Variants in CTTNBP2 observed in about 807,000 individuals in gnomAD.
The protein encoded by CTTNBP2 is cortactin-binding protein 2.
A neutral mutation model predicts 156.9 loss-of-function variants in CTTNBP2; 108 were observed. The observed-to-expected ratio is 0.69, with a 90% confidence interval of 0.59 to 0.81. The LOEUF is 0.81. CTTNBP2 is among the 30% of genes least tolerant of loss of function. CTTNBP2 has a pLI of 0.00. For synonymous variants in CTTNBP2, 767 were observed against 751.8 expected (o/e 1.02, Z -0.33); for missense variants, 1,924 against 2,035.4 (o/e 0.95, Z 1.05).
intron 19 of CTTNBP2, 150 bp downstream of exon 19, chr7:117,724,397 T>C: frequency 3.0e-6 from 2 of 662,828 alleles, no homozygotes; most frequent in Non-Finnish European, 4.9e-6. Context: ...GTACCTACTA[T>C]ATAGTTTATT....
At position 117,873,367 on chromosome 7, in the gene CTTNBP2, C is replaced by G. The variant is rs1462646120; in HGVS notation, c.49G>C (p.Glu17Gln). Residue 17 changes from glutamate to glutamine, a missense_variant, in exon 1 of 23, where the codon GAG becomes CAG. Coordinates refer to ENST00000160373, the MANE Select transcript of CTTNBP2 (RefSeq NM_033427.3). ...SCEPDLSRAP[E>Q]DAAGAAAEAA... ...TCCGCCGCGGCCCCCGCCGCGTCCT[C>G]CGGGGCCCGGGACAAGTCGGGCTCG... 2.0e-6 allele frequency: 3 copies of G among 1,474,660 alleles called. No homozygotes were observed. Among genetic ancestry groups the G allele is most frequent in the Non-Finnish European group, 1.8e-6 (2 of 1,118,768 alleles). 91.3% of individuals were successfully genotyped at this position (1,474,660 alleles called of 1,614,324 possible).
chr7:117,813,557 C>T (rs1800408416), intron 2 of CTTNBP2, among the ~76,000 whole-genome samples: 1 of 152,108 alleles, frequency 6.6e-6, no homozygotes, highest in South Asian at 2.1e-4. Context: ...CATTTCAAGA[C>T]CATGGCCCAA....
chr7:117,719,702 CTG>C (rs1242785434), intron 20 of CTTNBP2, 66 bp from the exon 21 acceptor site: 3 of 1,393,182 alleles, frequency 2.2e-6, no homozygotes, highest in South Asian at 1.4e-5. Context: ...AATCTAGACA[CTG>C]TACCTTTTTT....
intron 12 of CTTNBP2, among the ~76,000 whole-genome samples, chr7:117,752,552 C>A (rs970590829): frequency 6.6e-6 from 1 of 152,104 alleles, no homozygotes; most frequent in Non-Finnish European, 1.5e-5. Flanking sequence ...AAAATAACAT[C>A]ATTTTAAAAA....
chr7:117,731,587 T>C (rs1365070731), intron 16 of CTTNBP2, among the ~76,000 whole-genome samples: 1 of 152,244 alleles, frequency 6.6e-6, no homozygotes, highest in African/African-American at 2.4e-5. Flanking sequence ...TATCACACTG[T>C]GTTTTGATGA....
chr7:117,826,703 A>G (rs1801301714), intron 2 of CTTNBP2, among the ~76,000 whole-genome samples: 1 of 151,408 alleles, frequency 6.6e-6, no homozygotes, highest in South Asian at 2.1e-4. Context: ...AAACTTATCA[A>G]AGTTTGTGAT....
chr7:117,768,299 T>C (rs1055272512), intron 8 of CTTNBP2, among the ~76,000 whole-genome samples: 4 of 152,084 alleles, frequency 2.6e-5, no homozygotes, highest in Non-Finnish European at 5.9e-5. Flanking sequence ...TGGTGGCTCA[T>C]GTCTGTAATC....
chr7:117,778,634 C>T (rs1396023600), intron 7 of CTTNBP2, among the ~76,000 whole-genome samples: 1 of 152,126 alleles, frequency 6.6e-6, no homozygotes, highest in African/African-American at 2.4e-5. Context: ...CTTAACGACC[C>T]CTCCAGGAGA....
At chr7:117,751,374 C>T (rs981888) in intron 12 of CTTNBP2, among the ~76,000 whole-genome samples, 7,331 of 152,168 alleles carry the variant, frequency 0.048, 561 homozygotes, top group African/African-American at 0.17. Flanking sequence ...TAAACAAAAA[C>T]GAAAAATAAA....
Position 117,791,908 on chromosome 7 carries a change from A to C in CTTNBP2, c.1288T>G (p.Ser430Ala), listed in dbSNP as rs993170939. The C allele has an allele frequency of 6.2e-7, 1 of 1,614,002 alleles. No individual in the cohort carries two copies. Among genetic ancestry groups the C allele is most frequent in the African/African-American group, 1.3e-5 (1 of 74,900 alleles). Reference protein sequence around the residue: ...SQAPPMHSLHSPCANTSLHPG... With the variant: ...SQAPPMHSLHAPCANTSLHPG... ...TGCAAAGAGGTGTTGGCACATGGTG[A>C]ATGTAAACTGTGCATAGGTGGAGCT... The change falls in exon 4 of 23, where the codon TCA becomes GCA. Residue 430 changes from serine (S) to alanine (A), a missense_variant. By Grantham distance (99) the Ser-to-Ala change is moderately conservative. Coordinates refer to ENST00000160373, the MANE Select transcript of CTTNBP2 (RefSeq NM_033427.3).
intron 4 of CTTNBP2, among the ~76,000 whole-genome samples, chr7:117,790,122 C>T (rs745794773): frequency 1.2e-4 from 18 of 152,156 alleles, no homozygotes; most frequent in Non-Finnish European, 2.5e-4. Context: ...CAACAATCTC[C>T]ACCAACCACT....
chr7:117,713,385 ATTCT>A (rs1562942217), intron 22 of CTTNBP2, among the ~76,000 whole-genome samples: 1 of 152,146 alleles, frequency 6.6e-6, no homozygotes, highest in East Asian at 1.9e-4. Flanking sequence ...CACACTTCAA[ATTCT>A]TTCTAAAACT....
Position 117,791,949 on chromosome 7 carries a change from G to C in CTTNBP2, c.1247C>G (p.Ala416Gly). ...AGGTGGAGCTTGCGAGTTCTGAGGA[G>C]CTATGCCTGGTGTTTGAGCGGTGGG... ...APPTAQTPGI[A>G]PQNSQAPPMH... The change falls in exon 4 of 23, where the codon GCT (alanine) becomes GGT (glycine). Residue 416 changes from alanine (A) to glycine (G), a missense_variant. Coordinates refer to ENST00000160373, the MANE Select transcript of CTTNBP2 (RefSeq NM_033427.3). 1 of 1,614,140 alleles carries C rather than the reference G, an allele frequency of 6.2e-7. No individual in the cohort carries two copies. Among genetic ancestry groups the C allele is most frequent in the Non-Finnish European group, 8.5e-7 (1 of 1,180,010 alleles).
chr7:117,851,976 TA>T, intron 2 of CTTNBP2, among the ~76,000 whole-genome samples: 1 of 152,300 alleles, frequency 6.6e-6, no homozygotes, highest in Admixed American at 6.5e-5. Flanking sequence ...AAGTTTGTCT[TA>T]AAAAGTCTAA....
At chr7:117,804,151 C>T (rs960833518) in intron 3 of CTTNBP2, among the ~76,000 whole-genome samples, 5 of 151,924 alleles carry the variant, frequency 3.3e-5, no homozygotes, top group South Asian at 4.1e-4. Flanking sequence ...TTAGTAGAGA[C>T]GGAGTTTCAC....
At chr7:117,769,747 GA>G (rs1245733402) in intron 8 of CTTNBP2, among the ~76,000 whole-genome samples, 2 of 152,142 alleles carry the variant, frequency 1.3e-5, no homozygotes, top group Admixed American at 1.3e-4. Flanking sequence ...AACTTAAATA[GA>G]AAGCAATCTG....
At chr7:117,727,794 G>C (rs946443852) in intron 17 of CTTNBP2, among the ~76,000 whole-genome samples, 1 of 152,176 alleles carries the variant, frequency 6.6e-6, no homozygotes, top group Non-Finnish European at 1.5e-5. Flanking sequence ...TACAATACTT[G>C]ATGAAACTTC....
chr7:117,800,579 T>A (rs1333057989), intron 3 of CTTNBP2, among the ~76,000 whole-genome samples: 1 of 152,100 alleles, frequency 6.6e-6, no homozygotes, highest in Non-Finnish European at 1.5e-5. Context: ...GCGGTATGAG[T>A]AAGTAATTCT....
chr7:117,858,776 CAAGTCAATAT>C (rs935558852), intron 2 of CTTNBP2, among the ~76,000 whole-genome samples: 3 of 152,126 alleles, frequency 2.0e-5, no homozygotes, highest in African/African-American at 7.2e-5. Context: ...ACTTATTAAA[CAAGTCAATAT>C]AATTTTTAAC....
Sources: gnomAD v4.1 joint callset for allele counts (sites outside exome capture counted in the v4.1 genomes callset) on GRCh38, gnomAD v4.1.1 for gene constraint, MANE v1.5 for transcripts, NCBI Gene and HGNC (gene_info 2026-07-23, HGNC 2026-07-21) for gene names.